CADM2: variants seen among roughly 807,000 people sequenced by gnomAD.
CADM2 encodes immunoglobulin superfamily member 4D.
Under a neutral mutation model 49.8 loss-of-function variants are expected in CADM2, and 12 were observed. That is an observed-to-expected ratio of 0.24 (90% CI 0.15 to 0.39). CADM2 has a LOEUF of 0.39. CADM2 is among the 10% of genes least tolerant of loss of function. CADM2 has a pLI of 1.00. For synonymous variants in CADM2, 214 were observed against 175.4 expected (o/e 1.22, Z -1.74); for missense variants, 378 against 492.3 (o/e 0.77, Z 2.20).
At chr3:85,565,465 A>G (rs942939895) in intron 1 of CADM2, among the ~76,000 whole-genome samples, 3 of 152,096 alleles carry the variant, frequency 2.0e-5, no homozygotes, top group Admixed American at 6.6e-5. Flanking sequence ...TCTAAGATTT[A>G]TAAACTATGG....
chr3:85,959,683 G>C (rs764528949), intron 7 of CADM2, among the ~76,000 whole-genome samples: 2 of 151,786 alleles, frequency 1.3e-5, no homozygotes, highest in African/African-American at 2.4e-5. Flanking sequence ...TTATAATACT[G>C]TATTTTTACT....
intron 2 of CADM2, among the ~76,000 whole-genome samples, chr3:85,791,574 A>AG (rs568133391): frequency 4.7e-5 from 7 of 147,528 alleles, no homozygotes; most frequent in African/African-American, 1.8e-4. Context: ...GAGAGAGAGA[A>AG]AAGAAAGAGA....
intron 1 of CADM2, among the ~76,000 whole-genome samples, chr3:85,650,551 C>A (rs1380888708): frequency 6.7e-6 from 1 of 148,216 alleles, no homozygotes; most frequent in African/African-American, 2.5e-5. Flanking sequence ...AATGCTAAAT[C>A]TGATTTTTCT....
At chr3:85,809,409 G>A (rs1159749298) in intron 3 of CADM2, among the ~76,000 whole-genome samples, 1 of 151,854 alleles carries the variant, frequency 6.6e-6, no homozygotes, top group Non-Finnish European at 1.5e-5. Flanking sequence ...TGGCCAACAT[G>A]GTGAAACCCC....
chr3:85,596,015 A>C (rs2063230180), intron 1 of CADM2, among the ~76,000 whole-genome samples: 1 of 151,868 alleles, frequency 6.6e-6, no homozygotes, highest in East Asian at 1.9e-4. Flanking sequence ...TTCACCCTAA[A>C]GTAAGTTTTG....
chr3:85,487,836 C>G (rs1357350048), intron 1 of CADM2, among the ~76,000 whole-genome samples: 4 of 151,960 alleles, frequency 2.6e-5, no homozygotes, highest in African/African-American at 9.7e-5. Flanking sequence ...ATGCCTAATA[C>G]AATCTATCTG....
intron 1 of CADM2, among the ~76,000 whole-genome samples, chr3:85,128,248 G>A (rs536856626): frequency 3.3e-5 from 5 of 152,212 alleles, no homozygotes; most frequent in South Asian, 2.1e-4. Flanking sequence ...GTTCAGCTGC[G>A]CCCAGGAACA....
intron 1 of CADM2, among the ~76,000 whole-genome samples, chr3:85,088,862 G>A (rs1242549086): frequency 6.6e-6 from 1 of 151,990 alleles, no homozygotes; most frequent in Non-Finnish European, 1.5e-5. Flanking sequence ...TGATTAAGAA[G>A]TATTTACATC....
intron 1 of CADM2, among the ~76,000 whole-genome samples, chr3:85,164,299 G>T (rs1002067131): frequency 2.0e-5 from 3 of 151,962 alleles, no homozygotes; most frequent in African/African-American, 7.2e-5. Flanking sequence ...TACGTCCTGA[G>T]ATTGTCTTAT....
At chr3:85,504,746 C>T (rs910121662) in intron 1 of CADM2, among the ~76,000 whole-genome samples, 4 of 152,200 alleles carry the variant, frequency 2.6e-5, no homozygotes, top group Non-Finnish European at 5.9e-5. Flanking sequence ...ATCGGGGAGG[C>T]TCGGGCCGCA....
At chr3:85,851,734 G>C (rs1466992115) in intron 3 of CADM2, among the ~76,000 whole-genome samples, 1 of 150,982 alleles carries the variant, frequency 6.6e-6, no homozygotes, top group African/African-American at 2.4e-5. Context: ...CAGAGTAGTG[G>C]CAGATGGGAT....
chr3:85,172,100 TG>T (rs2040644445), intron 1 of CADM2, among the ~76,000 whole-genome samples: 1 of 152,214 alleles, frequency 6.6e-6, no homozygotes, highest in Non-Finnish European at 1.5e-5. Context: ...TTATTATTCT[TG>T]TACTAAAGTT....
intron 1 of CADM2, among the ~76,000 whole-genome samples, chr3:85,452,511 A>G (rs192620673): frequency 3.0e-4 from 45 of 152,194 alleles, no homozygotes; most frequent in Admixed American, 1.8e-3. Context: ...CTATTAATTT[A>G]TTGCATGTTT....
chr3:85,655,513 A>T (rs935798816), intron 1 of CADM2, among the ~76,000 whole-genome samples: 4 of 144,810 alleles, frequency 2.8e-5, no homozygotes, highest in African/African-American at 1.0e-4. Flanking sequence ...ACTTCTTAAT[A>T]AAAAAAAAAA....
intron 7 of CADM2, among the ~76,000 whole-genome samples, chr3:85,940,386 C>T (rs1219412701): frequency 2.6e-5 from 4 of 151,762 alleles, no homozygotes; most frequent in Non-Finnish European, 4.4e-5. Context: ...ATTTTCTTAG[C>T]CTAACATGTA....
intron 1 of CADM2, among the ~76,000 whole-genome samples, chr3:85,359,174 G>T (rs1389465292): frequency 6.6e-6 from 1 of 152,052 alleles, no homozygotes; most frequent in Non-Finnish European, 1.5e-5. Flanking sequence ...CCATGCAAAT[G>T]AGCATATTTC....
At chr3:85,307,392 C>G (rs1387026260) in intron 1 of CADM2, among the ~76,000 whole-genome samples, 2 of 151,708 alleles carry the variant, frequency 1.3e-5, no homozygotes, top group African/African-American at 4.8e-5. Flanking sequence ...ACATTCACTA[C>G]TGAAATTATT....
intron 8 of CADM2, among the ~76,000 whole-genome samples, chr3:86,050,763 A>G (rs759724825): frequency 2.0e-5 from 3 of 152,158 alleles, no homozygotes; most frequent in Non-Finnish European, 4.4e-5. Context: ...AGTCACAATT[A>G]GAGGTGGAGT....
At chr3:86,042,018 C>G (rs1222582691) in intron 8 of CADM2, among the ~76,000 whole-genome samples, 1 of 152,130 alleles carries the variant, frequency 6.6e-6, no homozygotes, top group Non-Finnish European at 1.5e-5. Flanking sequence ...TAAAGATGTT[C>G]TTTGAAACCA....
Sources: gnomAD v4.1 joint callset for allele counts (sites outside exome capture counted in the v4.1 genomes callset) on GRCh38, gnomAD v4.1.1 for gene constraint, MANE v1.5 for transcripts, NCBI Gene and HGNC (gene_info 2026-07-23, HGNC 2026-07-21) for gene names.